Variants in POFUT3 observed in about 807,000 individuals in gnomAD.
The protein encoded by POFUT3 is GDP-fucose protein O-fucosyltransferase 3.
the POFUT3 span, among the ~76,000 whole-genome samples, chr8:33,413,634 C>T: frequency 1.8e-4 from 28 of 152,218 alleles, no homozygotes; most frequent in African/African-American, 6.5e-4. Context: ...CCTCTGCCAT[C>T]TCTGTCCTTC....
At chr8:33,441,534 C>T in the POFUT3 span, among the ~76,000 whole-genome samples, 1 of 151,796 alleles carries the variant, frequency 6.6e-6, no homozygotes. Flanking sequence ...GTGTGCACCA[C>T]CATGCCCAGC....
At chr8:33,444,948 T>TG in the POFUT3 span, among the ~76,000 whole-genome samples, 13 of 150,146 alleles carry the variant, frequency 8.7e-5, no homozygotes, top group African/African-American at 2.9e-4. Context: ...TTTTTTTTTT[T>TG]TTTGAGATAG....
chr8:33,473,087 C>G, the POFUT3 span: 229 of 152,370 alleles, frequency 1.5e-3, 1 homozygote, highest in African/African-American at 5.3e-3. Context: ...GGGTTCGTCC[C>G]GCAGAATGCA....
At chr8:33,308,898 G>T in the POFUT3 span, among the ~76,000 whole-genome samples, 1 of 150,336 alleles carries the variant, frequency 6.7e-6, no homozygotes, top group East Asian at 1.9e-4. Context: ...CCAGTCTGGT[G>T]GTGAATCGTC....
the POFUT3 span, among the ~76,000 whole-genome samples, chr8:33,394,674 A>C: frequency 7.0e-6 from 1 of 143,066 alleles, no homozygotes; most frequent in African/African-American, 2.8e-5. Flanking sequence ...TTAAAAATTA[A>C]AAAAAAAAAA....
chr8:33,397,973 G>T, the POFUT3 span, among the ~76,000 whole-genome samples: 5 of 152,172 alleles, frequency 3.3e-5, no homozygotes, highest in African/African-American at 1.2e-4. Flanking sequence ...ATTAAGCTGA[G>T]AATTCTGGGA....
the POFUT3 span, among the ~76,000 whole-genome samples, chr8:33,380,298 T>C: frequency 7.6e-6 from 1 of 132,014 alleles, no homozygotes; most frequent in Non-Finnish European, 1.6e-5. Context: ...ATAAGGGTAA[T>C]TTCAGCAGGG....
chr8:33,357,837 A>G, the POFUT3 span, among the ~76,000 whole-genome samples: 2 of 152,160 alleles, frequency 1.3e-5, no homozygotes, highest in African/African-American at 2.4e-5. Flanking sequence ...GGCAGCCTCC[A>G]TAAGTGTCTC....
the POFUT3 span, chr8:33,372,347 T>C: frequency 7.7e-7 from 1 of 1,297,326 alleles, no homozygotes. Flanking sequence ...ACATGGAAGA[T>C]AACCAGTGTC....
the POFUT3 span, among the ~76,000 whole-genome samples, chr8:33,342,359 C>CA: frequency 2.0e-5 from 3 of 150,796 alleles, no homozygotes; most frequent in Non-Finnish European, 3.0e-5. Flanking sequence ...CCTGTCCCCC[C>CA]ACAAAAAAAG....
At chr8:33,463,376 G>T in the POFUT3 span, among the ~76,000 whole-genome samples, 2 of 151,858 alleles carry the variant, frequency 1.3e-5, no homozygotes, top group Non-Finnish European at 2.9e-5. Context: ...GCGGTGGCAG[G>T]CACCTGTAAT....
At chr8:33,444,760 G>A in the POFUT3 span, among the ~76,000 whole-genome samples, 1 of 152,056 alleles carries the variant, frequency 6.6e-6, no homozygotes, top group Non-Finnish European at 1.5e-5. Flanking sequence ...AGAGGTTGTA[G>A]TGAGCTGAGA....
chr8:33,385,871 C>T, the POFUT3 span, among the ~76,000 whole-genome samples: 1 of 150,950 alleles, frequency 6.6e-6, no homozygotes, highest in Non-Finnish European at 1.5e-5. Flanking sequence ...CCATATAGAA[C>T]GAATCCTGTA....
At chr8:33,395,175 A>G in the POFUT3 span, among the ~76,000 whole-genome samples, 2 of 152,190 alleles carry the variant, frequency 1.3e-5, no homozygotes, top group Admixed American at 1.3e-4. Context: ...GGTCCCTGGC[A>G]AGGGTTCTAC....
chr8:33,311,171 C>G, the POFUT3 span, among the ~76,000 whole-genome samples: 1 of 152,180 alleles, frequency 6.6e-6, no homozygotes, highest in African/African-American at 2.4e-5. Context: ...TTCAGGGTAG[C>G]CATGAAGACC....
the POFUT3 span, among the ~76,000 whole-genome samples, chr8:33,424,650 T>C: frequency 0.04 from 6,024 of 152,286 alleles, 174 homozygotes; most frequent in East Asian, 0.16. Flanking sequence ...ACTCCATTTT[T>C]CTTCTGGATA....
At chr8:33,368,589 G>A in the POFUT3 span, among the ~76,000 whole-genome samples, 1 of 152,160 alleles carries the variant, frequency 6.6e-6, no homozygotes, top group Admixed American at 6.5e-5. Context: ...GTATGAGCAA[G>A]CAGGGTCAAG....
chr8:33,321,952 T>C, the POFUT3 span, among the ~76,000 whole-genome samples: 3 of 152,062 alleles, frequency 2.0e-5, no homozygotes, highest in African/African-American at 7.2e-5. Flanking sequence ...TAACTATATG[T>C]CTCCATGACT....
chr8:33,319,683 T>A, the POFUT3 span, among the ~76,000 whole-genome samples: 7 of 49,670 alleles, frequency 1.4e-4, 1 homozygote, highest in Non-Finnish European at 1.8e-4. Flanking sequence ...TATTTATATA[T>A]TATATAAATA....
Sources: allele counts gnomAD v4.1 joint callset (sites outside exome capture counted in the v4.1 genomes callset), GRCh38; gene constraint gnomAD v4.1.1; transcripts MANE v1.5; gene names NCBI Gene and HGNC (gene_info 2026-07-23, HGNC 2026-07-21).